The following KAZN variants were observed in gnomAD, a reference collection of about 807,000 sequenced individuals.
KAZN encodes the protein kazrin, periplakin interacting protein, also known as kazrin.
Under a neutral mutation model 87.4 loss-of-function variants are expected in KAZN, and 40 were observed. That is an observed-to-expected ratio of 0.46 (90% CI 0.36 to 0.60). The LOEUF is 0.60. KAZN is among the 20% of genes least tolerant of loss of function. KAZN has a pLI of 0.00. For missense variants in KAZN, 898 were observed against 1,073.9 expected, an observed-to-expected ratio of 0.84 and a Z score of 2.29; for synonymous variants, 466 against 458.3, an observed-to-expected ratio of 1.02 and a Z score of -0.22.
intron 2 of KAZN, among the ~76,000 whole-genome samples, chr1:14,323,320 T>A (rs888723490): frequency 1.3e-5 from 2 of 152,102 alleles, no homozygotes; most frequent in South Asian, 4.1e-4. Flanking sequence ...AATCTGATCA[T>A]GGGGCCAGGA....
chr1:14,574,826 G>T (rs1675081619), intron 2 of KAZN, among the ~76,000 whole-genome samples: 1 of 152,168 alleles, frequency 6.6e-6, no homozygotes, highest in Admixed American at 6.5e-5. Context: ...CAGGATCATA[G>T]AGGAAGTGTG....
intron 1 of KAZN, among the ~76,000 whole-genome samples, chr1:14,157,055 A>C (rs1645610744): frequency 6.6e-6 from 1 of 151,818 alleles, no homozygotes; most frequent in Non-Finnish European, 1.5e-5. Context: ...ACTATCTTAT[A>C]ACTCATTATT....
chr1:14,133,232 T>A (rs189720295), intron 1 of KAZN, among the ~76,000 whole-genome samples: 1 of 152,022 alleles, frequency 6.6e-6, no homozygotes, highest in Non-Finnish European at 1.5e-5. Flanking sequence ...CTGGGCATGG[T>A]GGTGAGCACC....
At chr1:14,469,771 TG>T (rs1373278527) in intron 2 of KAZN, among the ~76,000 whole-genome samples, 2 of 152,210 alleles carry the variant, frequency 1.3e-5, no homozygotes, top group Admixed American at 6.5e-5. Context: ...GCATTAATGA[TG>T]GGTTGTTCAA....
At chr1:14,122,657 T>C (rs1347856663) in intron 1 of KAZN, among the ~76,000 whole-genome samples, 2 of 152,222 alleles carry the variant, frequency 1.3e-5, no homozygotes, top group Non-Finnish European at 2.9e-5. Flanking sequence ...GGTTATAAAG[T>C]AGCTAATTGC....
rs116452926 is a variant in KAZN, at chr1:14,335,066, G to A, written c.249+154474G>A. ...GTGTTGGAGGTGGGGCCTAAGAAGTGTTTGGGCCATGGGGGCGGATCCCTC... is the reference window on the plus strand; with the variant it reads ...GTGTTGGAGGTGGGGCCTAAGAAGTATTTGGGCCATGGGGGCGGATCCCTC... On this transcript the variant is annotated intron_variant, in intron 2 of 16. Transcript: ENST00000636203. Among the ~76,000 whole-genome samples, 242 of 151,238 alleles carry A rather than the reference G, an allele frequency of 1.6e-3. 1 individual carries two copies. The highest frequency in any genetic ancestry group is 5.6e-3 in the African/African-American group (229 of 41,240).
chr1:14,646,258 T>C (rs929650066), intron 1 of KAZN, among the ~76,000 whole-genome samples: 4 of 152,174 alleles, frequency 2.6e-5, no homozygotes, highest in African/African-American at 9.7e-5. Context: ...AAAAGCTCTG[T>C]TCCTAGGCTG....
intron 2 of KAZN, among the ~76,000 whole-genome samples, chr1:14,288,199 G>A (rs1008371793): frequency 1.1e-4 from 17 of 152,200 alleles, no homozygotes; most frequent in African/African-American, 4.1e-4. Context: ...CTCATAAAAT[G>A]AGTTAGGGAG....
chr1:14,859,828 T>C (rs1650623122), intron 1 of KAZN, among the ~76,000 whole-genome samples: 1 of 152,206 alleles, frequency 6.6e-6, no homozygotes, highest in Admixed American at 6.5e-5. Context: ...CTTAGCGCTC[T>C]GATTATCAGC....
intron 2 of KAZN, among the ~76,000 whole-genome samples, chr1:14,544,320 G>GTT (rs772405367): frequency 9.2e-6 from 1 of 108,892 alleles, no homozygotes; most frequent in Non-Finnish European, 2.0e-5. Context: ...GAGATTTGGG[G>GTT]TTTTTTTTTT....
chr1:14,646,226 A>C (rs910946448), intron 1 of KAZN, among the ~76,000 whole-genome samples: 1 of 152,136 alleles, frequency 6.6e-6, no homozygotes, highest in Admixed American at 6.5e-5. Context: ...TATACATCTC[A>C]AAAAACATCA....
chr1:14,934,395 C>G (rs548916366), intron 1 of KAZN, among the ~76,000 whole-genome samples: 1 of 151,706 alleles, frequency 6.6e-6, no homozygotes, highest in Non-Finnish European at 1.5e-5. Flanking sequence ...TTAGTAGAGA[C>G]GGGGTTTCAC....
chr1:13,926,962 C>G (rs750206292), intron 1 of KAZN, among the ~76,000 whole-genome samples: 40 of 152,176 alleles, frequency 2.6e-4, no homozygotes, highest in Non-Finnish European at 4.6e-4. Context: ...TTTAAATATG[C>G]ATTTGTCGTA....
chr1:15,104,321 G>A (rs1641219950), intron 13 of KAZN, 132 bp downstream of exon 13: 4 of 952,644 alleles, frequency 4.2e-6, no homozygotes, highest in Non-Finnish European at 6.0e-6. Flanking sequence ...GCACCATGGT[G>A]GTCACCTTTT....
At chr1:14,987,050 G>T (rs1365632363) in intron 2 of KAZN, among the ~76,000 whole-genome samples, 1 of 152,198 alleles carries the variant, frequency 6.6e-6, no homozygotes, top group African/African-American at 2.4e-5. Flanking sequence ...AAACTGGGCA[G>T]TCTCCTCCAG....
intron 2 of KAZN, among the ~76,000 whole-genome samples, chr1:15,009,107 C>T (rs1240254169): frequency 6.6e-6 from 1 of 152,212 alleles, no homozygotes; most frequent in Non-Finnish European, 1.5e-5. Context: ...TAGCCCTACC[C>T]AGGGGGCCCA....
intron 1 of KAZN, among the ~76,000 whole-genome samples, chr1:14,161,694 A>T (rs970965893): frequency 6.6e-6 from 1 of 152,208 alleles, no homozygotes; most frequent in Admixed American, 6.5e-5. Flanking sequence ...GGTGAGAATC[A>T]TTGGGTTCTA....
intron 2 of KAZN, among the ~76,000 whole-genome samples, chr1:14,517,624 A>G (rs907217418): frequency 7.2e-5 from 11 of 152,236 alleles, no homozygotes; most frequent in Non-Finnish European, 1.6e-4. Flanking sequence ...TCGGGCTACA[A>G]TCATGAGAAA....
At chr1:14,459,858 C>CT (rs1202400678) in intron 2 of KAZN, among the ~76,000 whole-genome samples, 3 of 152,194 alleles carry the variant, frequency 2.0e-5, no homozygotes, top group Non-Finnish European at 1.5e-5. Context: ...ATTTTGGCTG[C>CT]TGTCACCCAT....
Sources: allele counts gnomAD v4.1 joint callset (sites outside exome capture counted in the v4.1 genomes callset), GRCh38; gene constraint gnomAD v4.1.1; transcripts MANE v1.5; gene names NCBI Gene and HGNC (gene_info 2026-07-23, HGNC 2026-07-21).